Variants in CADM2 observed in about 807,000 individuals in gnomAD.
CADM2 encodes immunoglobulin superfamily member 4D.
Under a neutral mutation model 49.8 loss-of-function variants are expected in CADM2, and 12 were observed. The observed-to-expected ratio is 0.24, with a 90% CI of 0.15 to 0.39. CADM2 has a LOEUF of 0.39. Ranked by LOEUF, CADM2 falls within the 10% of genes least tolerant of loss-of-function variation. CADM2 has a pLI of 1.00. For synonymous variants in CADM2, 214 were observed against 175.4 expected (o/e 1.22, Z -1.74); for missense variants, 378 against 492.3 (o/e 0.77, Z 2.20).
At chr3:86,059,244 C>T (rs1738344703) in intron 8 of CADM2, among the ~76,000 whole-genome samples, 1 of 152,016 alleles carries the variant, frequency 6.6e-6, no homozygotes, top group Admixed American at 6.6e-5. Context: ...AGACTAGACC[C>T]TTGATAGAAA....
intron 1 of CADM2, among the ~76,000 whole-genome samples, chr3:85,530,925 T>C (rs183454280): frequency 6.7e-6 from 1 of 149,404 alleles, no homozygotes; most frequent in East Asian, 2.0e-4. Context: ...AAATTCATTA[T>C]TGTGGAATGT....
At chr3:85,573,500 C>G (rs980348596) in intron 1 of CADM2, among the ~76,000 whole-genome samples, 4 of 152,044 alleles carry the variant, frequency 2.6e-5, no homozygotes, top group African/African-American at 7.2e-5. Flanking sequence ...CCGCTCCCAG[C>G]CTATATATAA....
chr3:85,452,531 T>G (rs1559847462), intron 1 of CADM2, among the ~76,000 whole-genome samples: 1 of 152,092 alleles, frequency 6.6e-6, no homozygotes, highest in Non-Finnish European at 1.5e-5. Flanking sequence ...TTCCAATAAC[T>G]TTAACACACG....
At chr3:85,000,992 C>T (rs1456611677) in intron 1 of CADM2, among the ~76,000 whole-genome samples, 3 of 152,100 alleles carry the variant, frequency 2.0e-5, no homozygotes, top group South Asian at 2.1e-4. Context: ...TTTCTCTTTA[C>T]CTTCCACCTG....
chr3:85,813,648 C>T (rs1423410864), intron 3 of CADM2, among the ~76,000 whole-genome samples: 1 of 152,128 alleles, frequency 6.6e-6, no homozygotes, highest in Non-Finnish European at 1.5e-5. Flanking sequence ...TTCAGGTTAT[C>T]TTCTAGGGTT....
chr3:85,795,335 A>G (rs1289013769), intron 2 of CADM2, among the ~76,000 whole-genome samples: 2 of 152,310 alleles, frequency 1.3e-5, no homozygotes, highest in East Asian at 1.9e-4. Context: ...CATAGCTTTG[A>G]GACTTTTGAC....
At chr3:85,773,647 A>G (rs953458686) in intron 2 of CADM2, among the ~76,000 whole-genome samples, 2 of 152,002 alleles carry the variant, frequency 1.3e-5, no homozygotes, top group Non-Finnish European at 2.9e-5. Flanking sequence ...GCACATTTAC[A>G]TCTGAAATAA....
intron 1 of CADM2, among the ~76,000 whole-genome samples, chr3:85,178,101 T>C (rs1477212516): frequency 6.6e-6 from 1 of 151,870 alleles, no homozygotes; most frequent in African/African-American, 2.4e-5. Flanking sequence ...AATCTGGGAT[T>C]AACAACAACA....
chr3:85,144,245 G>GCGCA (rs5850673), intron 1 of CADM2, among the ~76,000 whole-genome samples: 27,929 of 148,972 alleles, frequency 0.19, 3,175 homozygotes, highest in Middle Eastern at 0.27. Flanking sequence ...TGTTACACAC[G>GCGCA]CACACACACA....
intron 1 of CADM2, among the ~76,000 whole-genome samples, chr3:85,159,652 G>C (rs943790508): frequency 6.6e-6 from 1 of 152,130 alleles, no homozygotes; most frequent in African/African-American, 2.4e-5. Context: ...ATGAGGAAGT[G>C]GGTCAGAGAG....
At chr3:85,995,967 G>A (rs1729361176) in intron 8 of CADM2, among the ~76,000 whole-genome samples, 1 of 151,756 alleles carries the variant, frequency 6.6e-6, no homozygotes, top group African/African-American at 2.4e-5. Flanking sequence ...GCGGTCGCCT[G>A]TAGTCCCAGC....
At chr3:85,982,732 G>A (rs947441547) in intron 8 of CADM2, among the ~76,000 whole-genome samples, 58 of 151,614 alleles carry the variant, frequency 3.8e-4, no homozygotes, top group African/African-American at 1.4e-3. Context: ...AAAACTTTTA[G>A]ATGCAATTAT....
intron 1 of CADM2, among the ~76,000 whole-genome samples, chr3:85,458,073 T>G (rs2038074270): frequency 6.6e-6 from 1 of 152,240 alleles, no homozygotes; most frequent in Admixed American, 6.5e-5. Flanking sequence ...CAACTATTCC[T>G]TTGTTTATGA....
chr3:86,012,643 G>A, intron 8 of CADM2: 3 of 1,525,256 alleles, frequency 2.0e-6, no homozygotes, highest in Non-Finnish European at 2.7e-6. Flanking sequence ...CGCGGGACCC[G>A]GCCAGATGCC....
intron 1 of CADM2, among the ~76,000 whole-genome samples, chr3:85,189,277 A>G (rs2041145461): frequency 6.6e-6 from 1 of 152,026 alleles, no homozygotes; most frequent in African/African-American, 2.4e-5. Context: ...GACAGATTAC[A>G]GAGGATTTGT....
intron 1 of CADM2, among the ~76,000 whole-genome samples, chr3:85,449,830 C>T (rs929508760): frequency 6.6e-6 from 1 of 152,080 alleles, no homozygotes; most frequent in East Asian, 1.9e-4. Flanking sequence ...AAAGCCGATG[C>T]CCATGGTCTC....
intron 1 of CADM2, among the ~76,000 whole-genome samples, chr3:85,013,275 G>A (rs531828381): frequency 2.3e-4 from 35 of 151,820 alleles, no homozygotes; most frequent in African/African-American, 8.0e-4. Flanking sequence ...TATCTTTTTT[G>A]TATGACCTAT....
chr3:85,653,789 C>T (rs2065122189), intron 1 of CADM2, among the ~76,000 whole-genome samples: 1 of 152,046 alleles, frequency 6.6e-6, no homozygotes, highest in Non-Finnish European at 1.5e-5. Flanking sequence ...TGAAACACCA[C>T]AATTTTAGGA....
chr3:85,595,664 A>G (rs1052723438), intron 1 of CADM2, among the ~76,000 whole-genome samples: 1 of 152,036 alleles, frequency 6.6e-6, no homozygotes, highest in Non-Finnish European at 1.5e-5. Flanking sequence ...AAAACTTACA[A>G]TGAGAATAAA....
Sources: gnomAD v4.1 joint callset for allele counts (sites outside exome capture counted in the v4.1 genomes callset) on GRCh38, gnomAD v4.1.1 for gene constraint, MANE v1.5 for transcripts, NCBI Gene and HGNC (gene_info 2026-07-23, HGNC 2026-07-21) for gene names.